CASZ1: variants seen among roughly 807,000 people sequenced by gnomAD.
CASZ1 encodes zinc finger protein castor homolog 1.
CASZ1 carries 28 observed loss-of-function variants against 135.2 expected under a neutral mutation model. The observed-to-expected ratio is 0.21, with a 90% CI of 0.15 to 0.28. The LOEUF (loss-of-function observed/expected upper bound fraction) is 0.28, where lower values mean the gene tolerates loss of function less well. Ranked by LOEUF, CASZ1 falls within the 10% of genes least tolerant of loss-of-function variation. The pLI is 1.00. For synonymous variants in CASZ1, 1,068 were observed against 1,073.4 expected, an observed-to-expected ratio of 0.99 and a Z score of 0.10; for missense variants, 2,161 against 2,453.3, an observed-to-expected ratio of 0.88 and a Z score of 2.52.
Position 10,735,580 on chromosome 1 carries a change from T to C in CASZ1, c.-77+25121A>G, listed in dbSNP as rs1223792714. ...GGAAGGAGGGATGGCTGGTGCCTCT[T>C]AGCCAAGTGCCACGGACAGAAGTTT... On this transcript the variant is annotated intron_variant, in intron 2 of 20. Transcript: ENST00000377022. The surrounding 1 kb of genome is among the most constrained non-coding windows in gnomAD (Gnocchi z 5.1). Among the ~76,000 whole-genome samples the C allele has an allele frequency of 6.6e-6, 1 of 152,200 alleles. No homozygotes were observed. Among genetic ancestry groups the C allele is most frequent in the Non-Finnish European group, 1.5e-5 (1 of 68,016 alleles).
rs1369030078 is a variant in CASZ1 at position 10,694,684 on chromosome 1, G to GCC, written c.-23-774_-23-773dup. Among the ~76,000 whole-genome samples the GCC allele has an allele frequency of 8.3e-6, 1 of 121,042 alleles. No homozygotes were observed. Among genetic ancestry groups the GCC allele is most frequent in the Non-Finnish European group, 1.7e-5 (1 of 60,144 alleles). 79.4% of individuals were successfully genotyped at this position (121,042 alleles called of 152,430 possible). On this transcript the variant is annotated intron_variant, in intron 3 of 20. Transcript: ENST00000377022. This position sits in a 1 kb window ranked among gnomAD's most constrained non-coding sequence, Gnocchi z 6.6. ...AGTGAATGGGCTCGCGCTCGCTCGC[G>GCC]CCCCCGCCGCGCGCCCCCGCCGCGC... is the stretch of plus-strand genomic sequence containing the variant.
chr1:10,701,922 C>A lies in CASZ1; in HGVS notation c.-24+3570G>T, dbSNP rs1639070249. 1.3e-5 allele frequency among the ~76,000 whole-genome samples: 2 copies of A among 152,204 alleles called. No homozygotes were observed. The highest frequency in any genetic ancestry group is 2.1e-4 in the South Asian group (1 of 4,834). On this transcript the variant is annotated intron_variant, in intron 3 of 20. Transcript: ENST00000377022. This position sits in a 1 kb window ranked among gnomAD's most constrained non-coding sequence, Gnocchi z 6.3. Reference sequence around the variant, plus strand: ...AGTTTCTCCACCTCCCCCGGCCCATCCCCCGTTGGGCTGAGCCATCCTGCC... The same window carrying A: ...AGTTTCTCCACCTCCCCCGGCCCATACCCCGTTGGGCTGAGCCATCCTGCC...
chr1:10,746,895 C>T (rs554458974), intron 2 of CASZ1, among the ~76,000 whole-genome samples: 162 of 152,372 alleles, frequency 1.1e-3, no homozygotes, highest in African/African-American at 3.1e-3. Context: ...CACATGTCAC[C>T]TTCCCCACTC....
rs1003220614 is a variant in CASZ1 at position 10,759,632 on chromosome 1, C to T, written c.-77+1069G>A. ...TTCAGGGACCTACCAAACCCCAGTG[C>T]GCACCAAGGCTCCCGTCTCTGCAAG... On this transcript the variant is annotated intron_variant, in intron 2 of 20. Coordinates refer to ENST00000377022, the MANE Select transcript of CASZ1 (RefSeq NM_001079843.3). This position sits in a 1 kb window ranked among gnomAD's most constrained non-coding sequence, Gnocchi z 4.2. 1.3e-5 allele frequency among the ~76,000 whole-genome samples: 2 copies of T among 152,172 alleles called. No individual in the cohort carries two copies. Among genetic ancestry groups the T allele is most frequent in the Admixed American group, 6.5e-5 (1 of 15,278 alleles).
chr1:10,791,678 G>A lies in CASZ1; in HGVS notation c.-234+4886C>T, dbSNP rs577641211. On this transcript the variant is annotated intron_variant, in intron 1 of 20. Transcript: ENST00000377022. ...ATAAGCTGTTGACTTCTTGGTTAAA[G>A]TATTTTCTTGTTCTACTCATGTTCT... is the stretch of plus-strand genomic sequence containing the variant. 2.6e-5 allele frequency among the ~76,000 whole-genome samples: 4 copies of A among 152,140 alleles called. No individual in the cohort carries two copies. The South Asian group carries it at 8.3e-4, about 32-fold the overall frequency.
chr1:10,675,801 C>T (rs1401279347), intron 4 of CASZ1, among the ~76,000 whole-genome samples: 2 of 142,020 alleles, frequency 1.4e-5, no homozygotes, highest in African/African-American at 2.5e-5. Context: ...GACCCCCCCC[C>T]CACCCCCAAC....
intron 2 of CASZ1, among the ~76,000 whole-genome samples, chr1:10,728,779 G>A (rs893469408): frequency 6.6e-6 from 1 of 151,940 alleles, no homozygotes; most frequent in African/African-American, 2.4e-5. Context: ...GCTGGGGGCC[G>A]GGCTGCACAA....
chr1:10,722,693 C>T (rs1390502724), intron 2 of CASZ1, among the ~76,000 whole-genome samples: 2 of 152,242 alleles, frequency 1.3e-5, no homozygotes, highest in Non-Finnish European at 2.9e-5. Context: ...ATGTCTGCCC[C>T]CAGCAGAGCC....
chr1:10,713,640 C>A (rs1383446955), intron 2 of CASZ1, among the ~76,000 whole-genome samples: 10 of 152,192 alleles, frequency 6.6e-5, no homozygotes, highest in African/African-American at 2.2e-4. Context: ...CAGCTCTCTT[C>A]GTTTGGGTGA....
intron 4 of CASZ1, among the ~76,000 whole-genome samples, chr1:10,678,352 C>T (rs1032198499): frequency 7.9e-5 from 12 of 152,084 alleles, no homozygotes; most frequent in Non-Finnish European, 1.5e-4. Flanking sequence ...ATTACAATCA[C>T]CTCCCTAATC....
rs768766808 is a variant in CASZ1 at position 10,653,869 on chromosome 1, C to T, written c.2188G>A (p.Ala730Thr). The stretch of plus-strand genomic sequence containing the variant: ...AGGCTGGAGTTCTTGCTGCTCAGGG[C>T]GGAGAAGTCAACAAGGTCGTCGTTG... ...SSNDDLVDFS[A>T]LSSKNSSLSA... The change falls in exon 11 of 21, where the codon GCC becomes ACC. Residue 730 changes from alanine (A) to threonine (T), a missense_variant. Ala to Thr is a moderately conservative substitution (Grantham distance 58). This residue lies in a region of CASZ1 where 406 missense variants were observed against 387.6 expected (regional missense o/e 1.05). Coordinates refer to ENST00000377022, the MANE Select transcript of CASZ1 (RefSeq NM_001079843.3). 3.1e-5 allele frequency: 50 copies of T among 1,612,690 alleles called. No homozygotes were observed. Among genetic ancestry groups the T allele is most frequent in the African/African-American group, 2.1e-4 (16 of 74,892 alleles).
chr1:10,749,924 T>G (rs1640118791), intron 2 of CASZ1, among the ~76,000 whole-genome samples: 1 of 152,148 alleles, frequency 6.6e-6, no homozygotes, highest in Non-Finnish European at 1.5e-5. Context: ...CACACGGGTC[T>G]CCGGAGCATC....
rs1375819737 is a variant in CASZ1, at chr1:10,777,749, C to T, written c.-233-16892G>A. 1.3e-5 allele frequency among the ~76,000 whole-genome samples: 2 copies of T among 151,666 alleles called. No homozygotes were observed. The highest frequency in any genetic ancestry group is 2.9e-5 in the Non-Finnish European group (2 of 67,930). Reference sequence around the variant, plus strand: ...CCACATACCACGTTACAATCACACACAATCCCATACACACCCACTCACATA... The same window carrying T: ...CCACATACCACGTTACAATCACACATAATCCCATACACACCCACTCACATA... On this transcript the variant is annotated intron_variant, in intron 1 of 20. Transcript: ENST00000377022. This position sits in a 1 kb window ranked among gnomAD's most constrained non-coding sequence, Gnocchi z 4.4.
chr1:10,663,332 C>T (rs1055670543), intron 5 of CASZ1, among the ~76,000 whole-genome samples: 1 of 152,110 alleles, frequency 6.6e-6, no homozygotes, highest in African/African-American at 2.4e-5. Flanking sequence ...GCCTGGGACC[C>T]GGCTAGGGGA....
Position 10,694,429 on chromosome 1 carries a change from G to C in CASZ1, c.-23-517C>G, listed in dbSNP as rs1356003673. 1 of 472,496 alleles carries C rather than the reference G, an allele frequency of 2.1e-6. No individual in the cohort carries two copies. The highest frequency in any genetic ancestry group is 2.1e-5 in the African/African-American group (1 of 47,896). 29.3% of individuals were successfully genotyped at this position (472,496 alleles called of 1,614,324 possible). On this transcript the variant is annotated intron_variant, in intron 3 of 20. Transcript: ENST00000377022. The surrounding 1 kb of genome is among the most constrained non-coding windows in gnomAD (Gnocchi z 6.6). ...AGCCCTGATGTCATTGCTCCTGCCG[G>C]TAACACTCAGGGTAACAGTTTGGCA...
chr1:10,703,235 G>A (rs918214537), intron 3 of CASZ1, among the ~76,000 whole-genome samples: 7 of 152,070 alleles, frequency 4.6e-5, no homozygotes, highest in East Asian at 1.9e-4. Flanking sequence ...CTTTCCTCTC[G>A]GGCTTGGAGC....
In CASZ1 at chr1:10,657,493, G is replaced by A. The variant is rs1274457158; in HGVS notation, c.1410-757C>T. Among the ~76,000 whole-genome samples the A allele has an allele frequency of 6.6e-6, 1 of 152,164 alleles. No homozygotes were observed. The highest frequency in any genetic ancestry group is 2.4e-5 in the African/African-American group (1 of 41,432). Reference sequence around the variant, plus strand: ...CAGAGAGAAACCCCATACTGTAATGGGAAAACCACGTGCAAACAAATATTT... The same window carrying A: ...CAGAGAGAAACCCCATACTGTAATGAGAAAACCACGTGCAAACAAATATTT... On this transcript the variant is annotated intron_variant, in intron 7 of 20. Transcript: ENST00000377022. The surrounding 1 kb of genome is among the most constrained non-coding windows in gnomAD (Gnocchi z 5.7).
rs1461490651 is a variant in CASZ1 at position 10,647,665 on chromosome 1, C to T, written c.3497+136G>A. ...CATCTTTGGCTAGAAGGACATCACC[C>T]GATGGCCATGCCCCAGAGAGGCTGG... is the stretch of plus-strand genomic sequence containing the variant. On this transcript the variant is annotated intron_variant, in intron 16 of 20. Transcript: ENST00000377022. The surrounding 1 kb of genome is among the most constrained non-coding windows in gnomAD (Gnocchi z 4.9). The T allele has an allele frequency of 4.6e-5, 69 of 1,493,678 alleles. 1 individual carries two copies. The highest frequency in any genetic ancestry group is 3.4e-4 in the South Asian group (26 of 75,570). The allele number at this position is 1,493,678 out of a possible 1,614,324, so 92.5% of individuals were successfully genotyped here.
intron 20 of CASZ1, 108 bp downstream of exon 20, chr1:10,642,751 C>T: frequency 7.8e-7 from 1 of 1,286,956 alleles, no homozygotes; most frequent in Admixed American, 2.3e-5. Flanking sequence ...CCAGCCTGTC[C>T]TCCTCGGAGG....
Sources: allele counts gnomAD v4.1 joint callset (sites outside exome capture counted in the v4.1 genomes callset), GRCh38; gene constraint gnomAD v4.1.1; regional missense constraint gnomAD v4.1.1; non-coding constraint Gnocchi (gnomAD v3.1); transcripts MANE v1.5; gene names NCBI Gene and HGNC (gene_info 2026-07-23, HGNC 2026-07-21).